Variants in SERGEF observed in about 807,000 individuals in gnomAD.
SERGEF encodes secretion regulating guanine nucleotide exchange factor, also known as secretion-regulating guanine nucleotide exchange factor.
In SERGEF, 51 loss-of-function variants were observed where a neutral mutation model predicts 50.0. The observed-to-expected ratio is 1.02, with a 90% CI of 0.81 to 1.29. SERGEF has a LOEUF of 1.29. Ranked by LOEUF, SERGEF falls within the 50% of genes most tolerant of loss-of-function variation. The pLI is 0.00. For missense variants in SERGEF, 521 were observed against 557.0 expected (o/e 0.94, Z 0.65); for synonymous variants, 205 against 212.4 (o/e 0.97, Z 0.30).
chr11:17,943,242 G>C (rs931145256), intron 9 of SERGEF, among the ~76,000 whole-genome samples: 3 of 152,060 alleles, frequency 2.0e-5, no homozygotes, highest in African/African-American at 7.2e-5. Flanking sequence ...ATAATAAATT[G>C]ATTTCTTTAC....
chr11:17,921,181 A>T lies in SERGEF; in HGVS notation c.1011+38289T>A, dbSNP rs141282018. On this transcript the variant is annotated intron_variant, in intron 9 of 10. Coordinates refer to ENST00000265965, the MANE Select transcript of SERGEF (RefSeq NM_012139.4). ...GGTTCTGCATTTTGACAGTCATCTG[A>T]TACATTATTGTACTCAATGCTAAAC... Among the ~76,000 whole-genome samples, 6 of 152,364 alleles carry T rather than the reference A, an allele frequency of 3.9e-5. No homozygotes were observed. The East Asian group carries it at 1.2e-3, about 29-fold the overall frequency.
chr11:17,915,117 T>C (rs1039275734), intron 9 of SERGEF, among the ~76,000 whole-genome samples: 4 of 152,168 alleles, frequency 2.6e-5, no homozygotes, highest in Admixed American at 2.6e-4. Flanking sequence ...CTTGCATAAA[T>C]AGGTGCTCAA....
At chr11:17,805,135 A>C (rs755929690) in intron 10 of SERGEF, among the ~76,000 whole-genome samples, 2 of 152,152 alleles carry the variant, frequency 1.3e-5, no homozygotes, top group African/African-American at 4.8e-5. Context: ...AAAATGCAAA[A>C]TTTTCCCTTC....
chr11:17,967,265 T>C (rs1853143440), intron 8 of SERGEF, among the ~76,000 whole-genome samples: 2 of 152,204 alleles, frequency 1.3e-5, no homozygotes, highest in South Asian at 4.1e-4. Context: ...TCAGTCATTG[T>C]CCTGCAGGGG....
chr11:17,938,497 C>A (rs551899433), intron 9 of SERGEF, among the ~76,000 whole-genome samples: 1 of 152,224 alleles, frequency 6.6e-6, no homozygotes, highest in East Asian at 1.9e-4. Context: ...CCATGTGTTA[C>A]ATTACAGAAT....
chr11:17,900,033 A>C (rs1452281674), intron 9 of SERGEF, among the ~76,000 whole-genome samples: 2 of 152,222 alleles, frequency 1.3e-5, no homozygotes, highest in Non-Finnish European at 2.9e-5. Context: ...GGATACAGAC[A>C]GAATGAAGAC....
At chr11:17,976,023 C>CA (rs1853365856) in intron 8 of SERGEF, among the ~76,000 whole-genome samples, 1 of 152,180 alleles carries the variant, frequency 6.6e-6, no homozygotes, top group Non-Finnish European at 1.5e-5. Flanking sequence ...CCCTGTGAAG[C>CA]AGACAAATTA....
Position 17,873,045 on chromosome 11 carries a change from G to GAT in SERGEF, c.1048+5161_1048+5162dup, listed in dbSNP as rs1851173906. Among the ~76,000 whole-genome samples the GAT allele has an allele frequency of 2.0e-5, 3 of 152,310 alleles. No homozygotes were observed. The South Asian group carries it at 6.2e-4, about 32-fold the overall frequency. ...GGTTTTGGGGAGCTAGAGAGAGGGG[G>GAT]ATAGCATGGAAGGGAGTTTTTCATC... On this transcript the variant is annotated intron_variant, in intron 10 of 10. Coordinates refer to ENST00000265965, the MANE Select transcript of SERGEF (RefSeq NM_012139.4).
At chr11:17,998,436 CATACATATATATATATATATATATATAT>C (rs1326660507) in intron 5 of SERGEF, among the ~76,000 whole-genome samples, 28 of 46,276 alleles carry the variant, frequency 6.1e-4, no homozygotes, top group African/African-American at 1.6e-3. Context: ...TACATACATA[CATACATATATATATATATATATATATAT>C]ATATATATAT....
At chr11:17,965,483 C>T (rs1392813373) in intron 8 of SERGEF, among the ~76,000 whole-genome samples, 1 of 152,190 alleles carries the variant, frequency 6.6e-6, no homozygotes, top group Non-Finnish European at 1.5e-5. Context: ...TAGTCAACTC[C>T]TACTCATCTT....
At chr11:17,938,385 A>G (rs975803902) in intron 9 of SERGEF, among the ~76,000 whole-genome samples, 2 of 152,170 alleles carry the variant, frequency 1.3e-5, no homozygotes, top group African/African-American at 4.8e-5. Flanking sequence ...CAAGCACCTA[A>G]AGTTGAGACA....
At chr11:17,894,008 T>C (rs1040765234) in intron 9 of SERGEF, among the ~76,000 whole-genome samples, 3 of 152,164 alleles carry the variant, frequency 2.0e-5, no homozygotes, top group Non-Finnish European at 4.4e-5. Flanking sequence ...TCTCCCCCAC[T>C]CTGTCAAAAT....
intron 9 of SERGEF, among the ~76,000 whole-genome samples, chr11:17,906,288 A>G (rs1001379693): frequency 1.3e-5 from 2 of 152,206 alleles, no homozygotes; most frequent in Non-Finnish European, 2.9e-5. Context: ...CAGCCTCCTG[A>G]CAAAACCAGC....
intron 8 of SERGEF, among the ~76,000 whole-genome samples, chr11:17,976,962 C>T (rs1432929208): frequency 6.6e-6 from 1 of 152,230 alleles, no homozygotes; most frequent in Non-Finnish European, 1.5e-5. Flanking sequence ...TCAGGCATCA[C>T]TGTCAGCCTC....
At chr11:17,892,244 C>T in intron 9 of SERGEF, among the ~76,000 whole-genome samples, 1 of 152,226 alleles carries the variant, frequency 6.6e-6, no homozygotes, top group East Asian at 1.9e-4. Context: ...AGACAGTTTA[C>T]CAGCCCGTCA....
At chr11:17,974,992 G>A (rs1853339353) in intron 8 of SERGEF, among the ~76,000 whole-genome samples, 2 of 152,196 alleles carry the variant, frequency 1.3e-5, no homozygotes, top group South Asian at 4.1e-4. Context: ...ATCAGCTCAG[G>A]AATGAGTGGC....
At chr11:17,910,046 A>G (rs887746117) in intron 9 of SERGEF, among the ~76,000 whole-genome samples, 6 of 152,092 alleles carry the variant, frequency 3.9e-5, no homozygotes, top group Admixed American at 3.3e-4. Context: ...CCTCAGCTGC[A>G]CTCAGGGGAC....
intron 10 of SERGEF, among the ~76,000 whole-genome samples, chr11:17,823,057 G>A (rs1051978882): frequency 6.6e-6 from 1 of 152,122 alleles, no homozygotes; most frequent in Non-Finnish European, 1.5e-5. Context: ...TCTGCTCCAG[G>A]ATACCGTATT....
intron 9 of SERGEF, among the ~76,000 whole-genome samples, chr11:17,921,700 T>C (rs1565205388): frequency 6.6e-6 from 1 of 151,900 alleles, no homozygotes; most frequent in Non-Finnish European, 1.5e-5. Flanking sequence ...TGAAATGAAC[T>C]AGACAGGGAA....
Sources: gnomAD v4.1 joint callset for allele counts (sites outside exome capture counted in the v4.1 genomes callset) on GRCh38, gnomAD v4.1.1 for gene constraint, MANE v1.5 for transcripts, NCBI Gene and HGNC (gene_info 2026-07-23, HGNC 2026-07-21) for gene names.